The following GRHL2 variants were observed in gnomAD, a reference collection of about 807,000 sequenced individuals.
GRHL2 encodes the protein grainyhead-like protein 2 homolog.
In GRHL2, 21 loss-of-function variants were observed where a neutral mutation model predicts 83.8. The ratio of observed to expected loss-of-function variants is 0.25; its 90% CI spans 0.18 to 0.36. The LOEUF is 0.36. GRHL2 is among the 10% of genes least tolerant of loss of function. GRHL2 has a pLI of 1.00. For missense variants in GRHL2, 623 were observed against 781.8 expected (o/e 0.80, Z 2.42); for synonymous variants, 280 against 278.9 (o/e 1.00, Z -0.04).
At chr8:101,614,240 A>G (rs912776804) in intron 8 of GRHL2, among the ~76,000 whole-genome samples, 2 of 151,066 alleles carry the variant, frequency 1.3e-5, no homozygotes, top group African/African-American at 4.9e-5. Context: ...TGATTTTGTA[A>G]AAAAATGCCA....
intron 3 of GRHL2, among the ~76,000 whole-genome samples, chr8:101,557,250 A>C (rs562198804): frequency 6.7e-3 from 947 of 140,344 alleles, no homozygotes; most frequent in Non-Finnish European, 9.1e-3. Flanking sequence ...TTTGAGACAG[A>C]GTCTCGCTCT....
At chr8:101,643,737 C>T (rs956706460) in intron 12 of GRHL2, among the ~76,000 whole-genome samples, 1 of 152,264 alleles carries the variant, frequency 6.6e-6, no homozygotes, top group African/African-American at 2.4e-5. Context: ...GGCAGGCCAC[C>T]CAGGCCTCAG....
chr8:101,674,331 A>G (rs1188492488), downstream of GRHL2, among the ~76,000 whole-genome samples: 1 of 152,160 alleles, frequency 6.6e-6, no homozygotes, highest in African/African-American at 2.4e-5. Context: ...AAAGAAGAAA[A>G]GAGAGAAGAA....
At chr8:101,629,705 A>G (rs1813147887) in intron 9 of GRHL2, among the ~76,000 whole-genome samples, 1 of 152,168 alleles carries the variant, frequency 6.6e-6, no homozygotes, top group Non-Finnish European at 1.5e-5. Context: ...TAGCACATAG[A>G]AAAATGCCTT....
intron 3 of GRHL2, among the ~76,000 whole-genome samples, chr8:101,555,053 C>CA (rs1355914249): frequency 4.6e-5 from 7 of 152,102 alleles, no homozygotes; most frequent in Admixed American, 3.9e-4. Context: ...ACACCAAATC[C>CA]AAAAAATATT....
intron 13 of GRHL2, among the ~76,000 whole-genome samples, chr8:101,645,661 G>A (rs1476329766): frequency 1.3e-5 from 2 of 152,132 alleles, no homozygotes; most frequent in South Asian, 2.1e-4. Context: ...AGCTGTGTGA[G>A]GACTGAGGAG....
chr8:101,664,511 A>G lies in GRHL2; in HGVS notation c.1756A>G (p.Lys586Glu). 1 of 1,609,054 alleles carries G rather than the reference A, an allele frequency of 6.2e-7. No individual in the cohort carries two copies. Among genetic ancestry groups the G allele is most frequent in the Non-Finnish European group, 8.5e-7 (1 of 1,175,554 alleles). Residue 586 changes from lysine (K) to glutamate (E), a missense_variant, in exon 15 of 16, where the codon AAA (lysine) becomes GAA (glutamate). Physicochemically the swap from Lys to Glu is moderately conservative, Grantham distance 56 (BLOSUM62 1). Coordinates refer to ENST00000646743, the MANE Select transcript of GRHL2 (RefSeq NM_024915.4). ...EKIAKLYKKSKKGILVNMDDN... is the reference protein window; with the variant it reads ...EKIAKLYKKSEKGILVNMDDN... ...GATAGCAAAGCTTTACAAGAAAAGC[A>G]AAAAAGGGTAAGAAAGAAACTGAAC...
chr8:101,641,714 C>A (rs1813404942), intron 12 of GRHL2, among the ~76,000 whole-genome samples: 2 of 152,124 alleles, frequency 1.3e-5, no homozygotes, highest in South Asian at 4.2e-4. Context: ...AAATTGATGT[C>A]AGAGAAAGCA....
intron 12 of GRHL2, among the ~76,000 whole-genome samples, chr8:101,637,670 C>A (rs1813316860): frequency 6.6e-6 from 1 of 152,216 alleles, no homozygotes; most frequent in Non-Finnish European, 1.5e-5. Flanking sequence ...GACAAGCAGT[C>A]AGCCATTTTC....
chr8:101,656,936 G>A (rs954429510), intron 14 of GRHL2, among the ~76,000 whole-genome samples: 2 of 145,760 alleles, frequency 1.4e-5, no homozygotes, highest in East Asian at 4.1e-4. Flanking sequence ...ATGAGGTGGA[G>A]AGGCAGACTG....
In GRHL2 at chr8:101,552,858, T is replaced by C. The variant is rs1160446451; in HGVS notation, c.284+76T>C. The C allele has an allele frequency of 3.6e-6, 5 of 1,390,150 alleles. No individual in the cohort carries two copies. The African/African-American group carries it at 5.7e-5, about 16-fold the overall frequency. The allele number at this position is 1,390,150 out of a possible 1,614,324, so 86.1% of individuals were successfully genotyped here. ...AATGTTATTAAACTGTATGTTTTGTTCTTGAGAGGAGATGGGGTCAAGAAG... is the reference window on the plus strand; with the variant it reads ...AATGTTATTAAACTGTATGTTTTGTCCTTGAGAGGAGATGGGGTCAAGAAG... On this transcript the variant is annotated intron_variant, in intron 3 of 15. Transcript: ENST00000646743.
chr8:101,634,512 G>A (rs946210212), intron 11 of GRHL2, among the ~76,000 whole-genome samples: 3 of 152,222 alleles, frequency 2.0e-5, no homozygotes, highest in Admixed American at 6.5e-5. Flanking sequence ...GCAGTGGCAG[G>A]TCAATGGATA....
At chr8:101,651,722 G>A (rs1813624304) in intron 14 of GRHL2, among the ~76,000 whole-genome samples, 1 of 152,182 alleles carries the variant, frequency 6.6e-6, no homozygotes, top group African/African-American at 2.4e-5. Flanking sequence ...GTTAGCTGAA[G>A]GTACAGTGTG....
chr8:101,603,113 A>G (rs537645758), intron 8 of GRHL2, among the ~76,000 whole-genome samples: 2 of 152,358 alleles, frequency 1.3e-5, no homozygotes, highest in South Asian at 2.1e-4. Context: ...CCAAATGTGA[A>G]TACATATCAA....
the GRHL2 span, among the ~76,000 whole-genome samples, chr8:101,677,492 C>T: frequency 2.0e-5 from 3 of 146,778 alleles, no homozygotes; most frequent in African/African-American, 7.7e-5. Flanking sequence ...AAACACTGAA[C>T]AGGAACCAAA....
In GRHL2 at chr8:101,666,583, TG is replaced by T. The variant is rs939732049; in HGVS notation, c.1764-4del. 4.5e-6 allele frequency: 7 copies of T among 1,569,530 alleles called. No individual in the cohort carries two copies. Among genetic ancestry groups the T allele is most frequent in the Non-Finnish European group, 6.1e-6 (7 of 1,139,514 alleles). ...GTTTTTCACACCCCTCCCCCCTCCATGGCAGCATCTTGGTGAACATGGATGA... is the reference window on the plus strand; with the variant it reads ...GTTTTTCACACCCCTCCCCCCTCCATGCAGCATCTTGGTGAACATGGATGA... On this transcript the variant is annotated splice_polypyrimidine_tract_variant and splice_region_variant and intron_variant, in intron 15 of 15. Transcript: ENST00000646743.
chr8:101,556,253 G>A (rs1201008622), intron 3 of GRHL2, among the ~76,000 whole-genome samples: 3 of 152,066 alleles, frequency 2.0e-5, no homozygotes, highest in Non-Finnish European at 4.4e-5. Flanking sequence ...CACCAAGCCC[G>A]GCCTCAGAAG....
intron 8 of GRHL2, among the ~76,000 whole-genome samples, chr8:101,608,806 A>G (rs1215385930): frequency 1.3e-5 from 2 of 150,238 alleles, no homozygotes; most frequent in Admixed American, 1.3e-4. Flanking sequence ...GTACTTCAGC[A>G]TGTAGAGAGG....
At chr8:101,506,019 G>A (rs564933976) in intron 1 of GRHL2, among the ~76,000 whole-genome samples, 1 of 152,338 alleles carries the variant, frequency 6.6e-6, no homozygotes, top group Non-Finnish European at 1.5e-5. Flanking sequence ...AGATTTTGAT[G>A]TTGTCATTGT....
Sources: gnomAD v4.1 joint callset for allele counts (sites outside exome capture counted in the v4.1 genomes callset) on GRCh38, gnomAD v4.1.1 for gene constraint, MANE v1.5 for transcripts, NCBI Gene and HGNC (gene_info 2026-07-23, HGNC 2026-07-21) for gene names.